DNAH9: variants seen among roughly 807,000 people sequenced by gnomAD.
DNAH9 encodes the protein DNAH9 variant protein.
A neutral mutation model predicts 471.6 loss-of-function variants in DNAH9; 345 were observed. The ratio of observed to expected loss-of-function variants is 0.73; its 90% confidence interval spans 0.67 to 0.80. DNAH9 has a LOEUF of 0.80. Among genes scored for constraint, DNAH9 ranks in the 30% least tolerant of loss-of-function variants. The pLI is 0.00. For missense variants in DNAH9, 5,407 were observed against 5,609.2 expected, an observed-to-expected ratio of 0.96 and a Z score of 1.15; for synonymous variants, 2,093 against 2,123.6, an observed-to-expected ratio of 0.99 and a Z score of 0.40.
rs1278215575 is a variant in DNAH9 at position 11,623,742 on chromosome 17, CA to C, written c.1350+3962del. 6.6e-6 allele frequency among the ~76,000 whole-genome samples: 1 copy of C among 152,144 alleles called. No individual in the cohort carries two copies. The highest frequency in any genetic ancestry group is 1.5e-5 in the Non-Finnish European group (1 of 68,036). On this transcript the variant is annotated intron_variant, in intron 6 of 68. Transcript: ENST00000262442. The surrounding 1 kb of genome is among the most constrained non-coding windows in gnomAD (Gnocchi z 4.1). ...CTTCTATTCTAATACAATCTATGGC[CA>C]CTGAGATGATGGTAGCTGCAATTAA...
chr17:11,737,399 T>C (rs1038950952), intron 28 of DNAH9, among the ~76,000 whole-genome samples: 18 of 141,816 alleles, frequency 1.3e-4, no homozygotes, highest in Middle Eastern at 3.5e-3. Flanking sequence ...TACCCTTTGC[T>C]CTTCTAGCAC....
chr17:11,655,402 T>C (rs1256916623), intron 14 of DNAH9, among the ~76,000 whole-genome samples: 1 of 150,272 alleles, frequency 6.7e-6, no homozygotes, highest in Admixed American at 6.7e-5. Context: ...AGATAAAAGA[T>C]AAAAATTTAG....
chr17:11,678,995 T>C (rs1185118367), intron 17 of DNAH9, among the ~76,000 whole-genome samples: 1 of 152,192 alleles, frequency 6.6e-6, no homozygotes, highest in East Asian at 1.9e-4. Flanking sequence ...CTTTTCAGCT[T>C]TGTTGAAATT....
chr17:11,908,795 AAG>A (rs1369048810), intron 61 of DNAH9, among the ~76,000 whole-genome samples: 6 of 152,220 alleles, frequency 3.9e-5, no homozygotes, highest in Non-Finnish European at 7.3e-5. Flanking sequence ...AACCACAAGG[AAG>A]AGTCTTTGAT....
chr17:11,886,046 G>A (rs1972867185), intron 56 of DNAH9, among the ~76,000 whole-genome samples: 1 of 152,180 alleles, frequency 6.6e-6, no homozygotes, highest in Admixed American at 6.5e-5. Context: ...TTTCTGGCTG[G>A]GCGCGGTGGC....
chr17:11,912,288 C>A (rs1259335322), intron 61 of DNAH9, among the ~76,000 whole-genome samples: 3 of 151,946 alleles, frequency 2.0e-5, no homozygotes, highest in Non-Finnish European at 2.9e-5. Context: ...AAGTGCTATC[C>A]TCATATGTTC....
At chr17:11,664,776 C>T (rs960822920) in intron 14 of DNAH9, 57 bp from the exon 15 acceptor site, 7 of 1,412,952 alleles carry the variant, frequency 5.0e-6, no homozygotes, top group African/African-American at 4.3e-5. Context: ...CTGTTGATTA[C>T]ACCAGTTCTT....
At chr17:11,694,732 CT>C (rs1293058860) in intron 22 of DNAH9, among the ~76,000 whole-genome samples, 5 of 3,672 alleles carry the variant, frequency 1.4e-3, no homozygotes, top group African/African-American at 2.2e-3. Flanking sequence ...CTCTCTTTCT[CT>C]TTCTTTCTTT....
chr17:11,954,788 AGAGAG>A (rs1975555579), intron 67 of DNAH9, among the ~76,000 whole-genome samples: 1 of 101,522 alleles, frequency 9.9e-6, no homozygotes. Context: ...AAAAAAAAAA[AGAGAG>A]AGAAAGAAAT....
intron 61 of DNAH9, among the ~76,000 whole-genome samples, chr17:11,921,646 G>T (rs892381220): frequency 6.6e-6 from 1 of 152,160 alleles, no homozygotes; most frequent in African/African-American, 2.4e-5. Flanking sequence ...GAAAGACCTC[G>T]CAAGGTTACC....
At chr17:11,741,615 AC>A (rs1196750849) in intron 29 of DNAH9, among the ~76,000 whole-genome samples, 1 of 152,110 alleles carries the variant, frequency 6.6e-6, no homozygotes, top group Non-Finnish European at 1.5e-5. Context: ...AACCACAGTT[AC>A]TTTTGGACCC....
At chr17:11,905,928 AC>A (rs1280425897) in intron 61 of DNAH9, 119 bp downstream of exon 61, 7 of 1,290,258 alleles carry the variant, frequency 5.4e-6, no homozygotes, top group Admixed American at 3.0e-5. Flanking sequence ...TGCAAATCAT[AC>A]AGAAGTCAGG....
At chr17:11,808,824 T>C (rs1439337735) in intron 44 of DNAH9, among the ~76,000 whole-genome samples, 1 of 152,204 alleles carries the variant, frequency 6.6e-6, no homozygotes, top group East Asian at 1.9e-4. Flanking sequence ...GTCTGGGGAA[T>C]GGCCTGGGCA....
intron 56 of DNAH9, among the ~76,000 whole-genome samples, chr17:11,885,912 T>A (rs151216114): frequency 2.0e-4 from 31 of 152,348 alleles, no homozygotes; most frequent in African/African-American, 7.2e-4. Context: ...TATCAGTAAC[T>A]TTCCTCTATT....
chr17:11,940,812 A>G (rs1369104569), intron 66 of DNAH9, among the ~76,000 whole-genome samples: 1 of 152,228 alleles, frequency 6.6e-6, no homozygotes, highest in African/African-American at 2.4e-5. Flanking sequence ...GGAAGTGTTT[A>G]CAGCTGGAGA....
intron 6 of DNAH9, 167 bp downstream of exon 6, chr17:11,619,948 C>T: frequency 6.7e-6 from 4 of 598,642 alleles, no homozygotes; most frequent in Non-Finnish European, 1.2e-5. Flanking sequence ...TGGCTCATGC[C>T]TGTAATCCCA....
At chr17:11,702,026 A>G (rs535823905) in intron 24 of DNAH9, among the ~76,000 whole-genome samples, 2 of 152,208 alleles carry the variant, frequency 1.3e-5, no homozygotes, top group Non-Finnish European at 2.9e-5. Flanking sequence ...CTCTGGGAGC[A>G]TACAGATAGT....
chr17:11,852,871 T>C (rs1443075320), intron 49 of DNAH9, among the ~76,000 whole-genome samples: 1 of 141,382 alleles, frequency 7.1e-6, no homozygotes, highest in African/African-American at 2.6e-5. Context: ...TGAAAGTGTG[T>C]ATATATAAAA....
intron 10 of DNAH9, 60 bp downstream of exon 10, chr17:11,640,444 C>T (rs2073250180): frequency 1.7e-6 from 2 of 1,146,770 alleles, no homozygotes; most frequent in Admixed American, 3.5e-5. Flanking sequence ...GCTCTAGAAT[C>T]TGAGTGTTGT....
Sources: gnomAD v4.1 joint callset for allele counts (sites outside exome capture counted in the v4.1 genomes callset) on GRCh38, gnomAD v4.1.1 for gene constraint, Gnocchi (gnomAD v3.1) non-coding constraint, MANE v1.5 for transcripts, NCBI Gene and HGNC (gene_info 2026-07-23, HGNC 2026-07-21) for gene names.